PTPRM: variants seen among roughly 807,000 people sequenced by gnomAD.
The protein encoded by PTPRM is receptor-type tyrosine-protein phosphatase mu.
In PTPRM, 47 loss-of-function variants were observed where a neutral mutation model predicts 186.7. The ratio of observed to expected loss-of-function variants is 0.25; its 90% CI spans 0.20 to 0.32. PTPRM has a LOEUF of 0.32. PTPRM is among the 10% of genes least tolerant of loss of function. The pLI, the probability that PTPRM is intolerant of heterozygous loss-of-function variation, is 1.00. For missense variants in PTPRM, 1,494 were observed against 1,865.0 expected, an observed-to-expected ratio of 0.80 and a Z score of 3.66; for synonymous variants, 668 against 674.9, an observed-to-expected ratio of 0.99 and a Z score of 0.16.
At chr18:8,108,290 A>G (rs143728681) in intron 11 of PTPRM, among the ~76,000 whole-genome samples, 1 of 152,160 alleles carries the variant, frequency 6.6e-6, no homozygotes, top group African/African-American at 2.4e-5. Flanking sequence ...ACAATATTCT[A>G]AGTCCCTGAA....
chr18:8,399,351 C>T (rs961648518), intron 32 of PTPRM, among the ~76,000 whole-genome samples: 4 of 152,148 alleles, frequency 2.6e-5, no homozygotes, highest in Non-Finnish European at 4.4e-5. Context: ...TGGATGGCGA[C>T]GTAGCACCTA....
intron 3 of PTPRM, 77 bp from the exon 4 acceptor site, chr18:7,906,426 ATG>A: frequency 9.4e-7 from 1 of 1,059,390 alleles, no homozygotes; most frequent in Non-Finnish European, 1.4e-6. Context: ...AAACGAAATT[ATG>A]TGTCTTATAT....
At chr18:8,283,231 A>T (rs1455528241) in intron 19 of PTPRM, among the ~76,000 whole-genome samples, 1 of 152,214 alleles carries the variant, frequency 6.6e-6, no homozygotes, top group African/African-American at 2.4e-5. Context: ...GTGAGGTGTA[A>T]TCATTGGGGA....
intron 2 of PTPRM, among the ~76,000 whole-genome samples, chr18:7,797,749 C>CT (rs1195908068): frequency 2.0e-5 from 3 of 152,066 alleles, no homozygotes; most frequent in East Asian, 3.9e-4. Context: ...AGAAGATTGT[C>CT]TTTTTCATAG....
chr18:8,145,437 A>G (rs2092859632), intron 14 of PTPRM, among the ~76,000 whole-genome samples: 2 of 152,150 alleles, frequency 1.3e-5, no homozygotes, highest in South Asian at 4.1e-4. Flanking sequence ...CCCATCACCT[A>G]TATTAGGTAT....
chr18:7,822,053 G>T (rs1321735851), intron 2 of PTPRM, among the ~76,000 whole-genome samples: 1 of 152,180 alleles, frequency 6.6e-6, no homozygotes, highest in Non-Finnish European at 1.5e-5. Context: ...TGCTTAAGAT[G>T]TAACTCCAAA....
intron 14 of PTPRM, among the ~76,000 whole-genome samples, chr18:8,166,750 A>C (rs530391489): frequency 5.9e-5 from 9 of 152,200 alleles, no homozygotes; most frequent in African/African-American, 2.2e-4. Context: ...TTTACACTCA[A>C]GGAAACCAAG....
chr18:8,071,869 A>T (rs1195655593), intron 8 of PTPRM, among the ~76,000 whole-genome samples: 1 of 152,206 alleles, frequency 6.6e-6, no homozygotes, highest in Non-Finnish European at 1.5e-5. Flanking sequence ...TAAGATCCTT[A>T]ACTCTCTGAC....
chr18:8,095,487 G>A (rs1002286022), intron 11 of PTPRM, among the ~76,000 whole-genome samples: 4 of 152,114 alleles, frequency 2.6e-5, no homozygotes, highest in African/African-American at 9.7e-5. Context: ...AAGAAGCAAG[G>A]GAGATAGAGG....
chr18:7,657,045 T>C (rs1243914876), intron 1 of PTPRM, among the ~76,000 whole-genome samples: 1 of 152,226 alleles, frequency 6.6e-6, no homozygotes, highest in Non-Finnish European at 1.5e-5. Context: ...CGACATACAA[T>C]GACCCTTTTT....
chr18:8,065,311 G>A (rs1348381824), intron 7 of PTPRM, among the ~76,000 whole-genome samples: 1 of 152,176 alleles, frequency 6.6e-6, no homozygotes, highest in Non-Finnish European at 1.5e-5. Context: ...GATTAAATAG[G>A]ATGCTGAAGT....
At chr18:7,745,975 TACAG>T (rs1481351038) in intron 1 of PTPRM, among the ~76,000 whole-genome samples, 26 of 151,946 alleles carry the variant, frequency 1.7e-4, no homozygotes, top group African/African-American at 5.8e-4. Context: ...AGATGGAAAA[TACAG>T]AAACAAACCT....
At chr18:7,877,402 A>G (rs1049476780) in intron 2 of PTPRM, among the ~76,000 whole-genome samples, 2 of 152,222 alleles carry the variant, frequency 1.3e-5, no homozygotes, top group Non-Finnish European at 2.9e-5. Context: ...GTGTAATCGC[A>G]TGATCATTGA....
chr18:8,035,953 G>C (rs1004447886), intron 7 of PTPRM, among the ~76,000 whole-genome samples: 1 of 152,152 alleles, frequency 6.6e-6, no homozygotes, highest in African/African-American at 2.4e-5. Context: ...TTATGCCTCA[G>C]TGTATATCTT....
At chr18:8,241,528 T>A (rs2094434726) in intron 14 of PTPRM, among the ~76,000 whole-genome samples, 1 of 152,202 alleles carries the variant, frequency 6.6e-6, no homozygotes. Context: ...TTGAATTATT[T>A]GACAACACGT....
chr18:7,842,947 T>TATAGAGAGAGAGAGAGAG (rs370746043), intron 2 of PTPRM, among the ~76,000 whole-genome samples: 28 of 112,114 alleles, frequency 2.5e-4, no homozygotes, highest in East Asian at 1.2e-3. Flanking sequence ...TATATATATA[T>TATAGAGAGAGAGAGAGAG]AGAGAGAGAG....
At chr18:8,325,558 GTCTACTGT>G (rs2095370683) in intron 22 of PTPRM, among the ~76,000 whole-genome samples, 1 of 152,102 alleles carries the variant, frequency 6.6e-6, no homozygotes, top group South Asian at 2.1e-4. Context: ...TCTTTATCCA[GTCTACTGT>G]TCATGGGCAT....
chr18:7,926,246 CT>C (rs2051167366), intron 4 of PTPRM, among the ~76,000 whole-genome samples: 1 of 152,068 alleles, frequency 6.6e-6, no homozygotes, highest in African/African-American at 2.4e-5. Flanking sequence ...TCAGTATAAT[CT>C]TTATTAATAC....
rs377429433 is a variant in PTPRM, at chr18:8,351,294, A to C, written c.3054+7774A>C. ...AGCCCTTCCTCATTTATAGTAAGTCAGTCAGAGAATCAGAAGGCCTTGGCT... is the reference window on the plus strand; with the variant it reads ...AGCCCTTCCTCATTTATAGTAAGTCCGTCAGAGAATCAGAAGGCCTTGGCT... On this transcript the variant is annotated intron_variant, in intron 23 of 32. Coordinates refer to ENST00000580170, the MANE Select transcript of PTPRM (RefSeq NM_001105244.2). Among the ~76,000 whole-genome samples, 37 of 152,334 alleles carry C rather than the reference A, an allele frequency of 2.4e-4. No homozygotes were observed. In the South Asian group the frequency reaches 7.5e-3, roughly 31 times the overall value.
Sources: allele counts gnomAD v4.1 joint callset (sites outside exome capture counted in the v4.1 genomes callset), GRCh38; gene constraint gnomAD v4.1.1; transcripts MANE v1.5; gene names NCBI Gene and HGNC (gene_info 2026-07-23, HGNC 2026-07-21).